Variants in MAGI2 observed in about 807,000 individuals in gnomAD.
The protein encoded by MAGI2 is membrane-associated guanylate kinase, WW and PDZ domain-containing protein 2.
A neutral mutation model predicts 133.3 loss-of-function variants in MAGI2; 35 were observed. The ratio of observed to expected loss-of-function variants is 0.26; its 90% confidence interval spans 0.20 to 0.35. The LOEUF is 0.35. Ranked by LOEUF, MAGI2 falls within the 10% of genes least tolerant of loss-of-function variation. The pLI is 1.00. For synonymous variants in MAGI2, 729 were observed against 710.6 expected, an observed-to-expected ratio of 1.03 and a Z score of -0.41; for missense variants, 1,636 against 1,863.4, an observed-to-expected ratio of 0.88 and a Z score of 2.25.
intron 2 of MAGI2, among the ~76,000 whole-genome samples, chr7:78,910,351 A>G (rs541447887): frequency 1.3e-5 from 2 of 151,598 alleles, no homozygotes; most frequent in African/African-American, 4.8e-5. Context: ...TTTTTCCCCA[A>G]TTCTTCACTT....
intron 1 of MAGI2, among the ~76,000 whole-genome samples, chr7:79,052,670 A>AAATAAAT (rs1371559027): frequency 3.9e-5 from 6 of 152,196 alleles, no homozygotes; most frequent in African/African-American, 1.4e-4. Flanking sequence ...AAGGTAATTT[A>AAATAAAT]AATAAATAAT....
chr7:78,688,339 A>G (rs554504054), intron 2 of MAGI2, among the ~76,000 whole-genome samples: 2 of 152,346 alleles, frequency 1.3e-5, no homozygotes, highest in Admixed American at 6.5e-5. Context: ...ACGATAAAGG[A>G]AAGGACCAAC....
intron 1 of MAGI2, among the ~76,000 whole-genome samples, chr7:79,023,089 A>G (rs962602431): frequency 1.3e-5 from 2 of 152,212 alleles, no homozygotes; most frequent in Non-Finnish European, 2.9e-5. Flanking sequence ...ATTCCTCAAC[A>G]AAATACTAGC....
intron 1 of MAGI2, among the ~76,000 whole-genome samples, chr7:79,346,896 A>C (rs17152332): frequency 0.31 from 47,090 of 151,842 alleles, 7,600 homozygotes; most frequent in Admixed American, 0.38. Flanking sequence ...TTGCTCATTG[A>C]ATTCACATCT....
intron 3 of MAGI2, among the ~76,000 whole-genome samples, chr7:78,564,169 G>A (rs376972774): frequency 5.3e-5 from 8 of 152,224 alleles, no homozygotes; most frequent in East Asian, 1.9e-4. Context: ...GAAGAATCCC[G>A]CACAACTGCC....
intron 6 of MAGI2, among the ~76,000 whole-genome samples, chr7:78,437,388 G>A (rs1040846522): frequency 2.6e-5 from 4 of 152,180 alleles, no homozygotes; most frequent in Non-Finnish European, 5.9e-5. Flanking sequence ...TTTGTACTTT[G>A]CAACACTTTC....
chr7:78,197,872 C>G (rs1828875471), intron 11 of MAGI2: 1 of 152,678 alleles, frequency 6.5e-6, no homozygotes, highest in Non-Finnish European at 1.5e-5. Flanking sequence ...AAACCACCTG[C>G]CCTGGGGTCA....
At chr7:78,251,038 G>A (rs1362449421) in intron 10 of MAGI2, among the ~76,000 whole-genome samples, 1 of 152,114 alleles carries the variant, frequency 6.6e-6, no homozygotes, top group Non-Finnish European at 1.5e-5. Flanking sequence ...TATATACCAT[G>A]ATCAAGTAGG....
chr7:78,575,882 A>G (rs1242038804), intron 3 of MAGI2, among the ~76,000 whole-genome samples: 4 of 152,318 alleles, frequency 2.6e-5, no homozygotes, highest in African/African-American at 9.6e-5. Context: ...CAGAAAAAGA[A>G]TATTAGGTAA....
At chr7:79,239,924 C>T (rs1184957753) in intron 1 of MAGI2, among the ~76,000 whole-genome samples, 1 of 152,180 alleles carries the variant, frequency 6.6e-6, no homozygotes, top group Non-Finnish European at 1.5e-5. Context: ...AGAATTGCTC[C>T]TGCCTTCTGA....
At chr7:78,291,657 G>A (rs1796719829) in intron 9 of MAGI2, among the ~76,000 whole-genome samples, 1 of 152,170 alleles carries the variant, frequency 6.6e-6, no homozygotes, top group Non-Finnish European at 1.5e-5. Context: ...CAATATCCCT[G>A]ATGAACATCG....
intron 2 of MAGI2, among the ~76,000 whole-genome samples, chr7:78,889,165 G>C (rs1796525111): frequency 6.6e-6 from 1 of 151,894 alleles, no homozygotes; most frequent in South Asian, 2.1e-4. Context: ...GAAGCGAGAA[G>C]AGAAGTTTAG....
At chr7:78,637,203 T>C (rs866940362) in intron 2 of MAGI2, among the ~76,000 whole-genome samples, 1 of 152,226 alleles carries the variant, frequency 6.6e-6, no homozygotes, top group Admixed American at 6.5e-5. Context: ...TTCTGGTGCA[T>C]AGATGAACAG....
chr7:78,820,808 T>G (rs1790027942), intron 2 of MAGI2, among the ~76,000 whole-genome samples: 2 of 152,020 alleles, frequency 1.3e-5, no homozygotes, highest in Admixed American at 1.3e-4. Flanking sequence ...AATTAGCTTA[T>G]GTTTAAAGGA....
intron 1 of MAGI2, among the ~76,000 whole-genome samples, chr7:79,324,654 ATTATATATATATAAAATAT>A (rs1199319539): frequency 1.2e-3 from 3 of 2,498 alleles, no homozygotes; most frequent in African/African-American, 4.1e-3. Flanking sequence ...ATATATATAT[ATTATATATATATAAAATAT>A]ATATATATTA....
chr7:78,507,317 CCAGAGGACCAATTTATT>C (rs1795174977), intron 4 of MAGI2, among the ~76,000 whole-genome samples: 1 of 152,130 alleles, frequency 6.6e-6, no homozygotes, highest in Non-Finnish European at 1.5e-5. Context: ...CTGGCAAAAC[CCAGAGGACCAATTTATT>C]CATTGGCAGT....
chr7:78,491,893 G>C (rs934991323), intron 5 of MAGI2, among the ~76,000 whole-genome samples: 31 of 151,386 alleles, frequency 2.0e-4, no homozygotes, highest in African/African-American at 7.3e-4. Context: ...GTGTGTGTGT[G>C]TGTGTGTGTG....
chr7:78,355,907 T>C (rs911622274), intron 7 of MAGI2, among the ~76,000 whole-genome samples: 6 of 152,344 alleles, frequency 3.9e-5, no homozygotes, highest in African/African-American at 1.4e-4. Flanking sequence ...AAACAGTGAC[T>C]GAACGTGTTT....
intron 20 of MAGI2, among the ~76,000 whole-genome samples, chr7:78,079,590 C>A (rs754475527): frequency 6.6e-6 from 1 of 152,124 alleles, no homozygotes; most frequent in Non-Finnish European, 1.5e-5. Context: ...TCCCTGGGTG[C>A]TGTTGTGATA....
Sources: gnomAD v4.1 joint callset for allele counts (sites outside exome capture counted in the v4.1 genomes callset) on GRCh38, gnomAD v4.1.1 for gene constraint, MANE v1.5 for transcripts, NCBI Gene and HGNC (gene_info 2026-07-23, HGNC 2026-07-21) for gene names.